Variants in DAP observed in about 807,000 individuals in gnomAD.
DAP encodes death-associated protein 1.
A neutral mutation model predicts 13.8 loss-of-function variants in DAP; 8 were observed. That is an observed-to-expected ratio of 0.58 (90% CI 0.34 to 1.05). The LOEUF is 1.05. Ranked by LOEUF, DAP falls within the 50% of genes least tolerant of loss-of-function variation. DAP has a pLI of 0.03. For missense variants in DAP, 106 were observed against 133.2 expected (o/e 0.80, Z 1.01); for synonymous variants, 47 against 47.5 (o/e 0.99, Z 0.04).
chr5:10,719,261 C>T (rs1168594737), intron 2 of DAP, among the ~76,000 whole-genome samples: 2 of 152,170 alleles, frequency 1.3e-5, no homozygotes, highest in Non-Finnish European at 2.9e-5. Context: ...TCAAGTGACC[C>T]GAAAGGCTGT....
chr5:10,761,088 G>C lies in DAP; in HGVS notation c.-20C>G, dbSNP rs1422729687. 11 of 1,204,996 alleles carry C rather than the reference G, an allele frequency of 9.1e-6. No individual in the cohort carries two copies. The highest frequency in any genetic ancestry group is 1.1e-5 in the Non-Finnish European group (11 of 958,708). The allele number at this position is 1,204,996 out of a possible 1,614,324, so 74.6% of individuals were successfully genotyped here. ...AGACATGACGCGGCGGGGCTTCCGC[G>C]GGGCCGAGGCGGCGGCGCGGTTCTC... On this transcript the variant is annotated 5_prime_UTR_variant, in exon 1 of 4. Coordinates refer to ENST00000230895, the MANE Select transcript of DAP (RefSeq NM_004394.3).
intron 2 of DAP, among the ~76,000 whole-genome samples, chr5:10,693,734 TG>T (rs1738367019): frequency 6.6e-6 from 1 of 151,632 alleles, no homozygotes; most frequent in Non-Finnish European, 1.5e-5. Flanking sequence ...CTTCTGTATA[TG>T]ATTTAGAGAT....
intron 2 of DAP, among the ~76,000 whole-genome samples, chr5:10,742,970 T>A (rs886414806): frequency 8.8e-5 from 13 of 147,504 alleles, no homozygotes; most frequent in African/African-American, 2.8e-4. Flanking sequence ...TTCAGAACCA[T>A]ATGTTCATAC....
At chr5:10,684,647 A>T (rs570966748) in intron 2 of DAP, among the ~76,000 whole-genome samples, 1 of 152,336 alleles carries the variant, frequency 6.6e-6, no homozygotes, top group East Asian at 1.9e-4. Context: ...ACTGTTTTGT[A>T]ATCTGCCTTC....
intron 2 of DAP, among the ~76,000 whole-genome samples, chr5:10,737,335 G>C (rs1487573096): frequency 1.5e-5 from 2 of 135,488 alleles, no homozygotes; most frequent in Non-Finnish European, 3.1e-5. Flanking sequence ...GACAGAGCAA[G>C]ACTCTGTCTC....
chr5:10,685,706 G>A (rs900926193), intron 2 of DAP, among the ~76,000 whole-genome samples: 4 of 152,134 alleles, frequency 2.6e-5, no homozygotes, highest in Non-Finnish European at 5.9e-5. Flanking sequence ...CTGTCTCCAT[G>A]TCCTATTTGT....
chr5:10,749,316 G>A (rs1739986577), intron 1 of DAP, among the ~76,000 whole-genome samples: 1 of 152,154 alleles, frequency 6.6e-6, no homozygotes, highest in Non-Finnish European at 1.5e-5. Context: ...ATTTCCTTGA[G>A]TATATACCGA....
intron 1 of DAP, among the ~76,000 whole-genome samples, chr5:10,754,069 A>G (rs1740115280): frequency 6.6e-6 from 1 of 152,190 alleles, no homozygotes; most frequent in South Asian, 2.1e-4. Flanking sequence ...ACTATGGCCT[A>G]TCTTAGTTAA....
At chr5:10,698,282 CAAAA>C (rs71613386) in intron 2 of DAP, among the ~76,000 whole-genome samples, 6 of 42,906 alleles carry the variant, frequency 1.4e-4, no homozygotes, top group Admixed American at 3.2e-4. Flanking sequence ...CCAGACTTAG[CAAAA>C]AAAAAAAAAA....
At chr5:10,737,356 C>CA (rs1198532548) in intron 2 of DAP, among the ~76,000 whole-genome samples, 1 of 142,704 alleles carries the variant, frequency 7.0e-6, no homozygotes, top group African/African-American at 2.7e-5. Context: ...AAAAAAAAAA[C>CA]AAAAACAAAA....
intron 1 of DAP, among the ~76,000 whole-genome samples, chr5:10,756,033 A>T (rs1373962664): frequency 6.6e-6 from 1 of 152,236 alleles, no homozygotes; most frequent in Non-Finnish European, 1.5e-5. Context: ...CTGTAGTCCC[A>T]GCTACTCAGC....
At chr5:10,733,192 GTGTGTGTGTGTGTGTA>G (rs745930094) in intron 2 of DAP, among the ~76,000 whole-genome samples, 3,059 of 121,274 alleles carry the variant, frequency 0.025, 45 homozygotes, top group Middle Eastern at 0.053. Context: ...GTGTGTGTGT[GTGTGTGTGTGTGTGTA>G]TACCCTACAT....
intron 1 of DAP, among the ~76,000 whole-genome samples, chr5:10,757,563 G>C (rs777914711): frequency 6.6e-6 from 1 of 152,100 alleles, no homozygotes; most frequent in Non-Finnish European, 1.5e-5. Context: ...CGTGAGCCAC[G>C]ACACCCGGCT....
chr5:10,758,533 G>C (rs1341567634), intron 1 of DAP, among the ~76,000 whole-genome samples: 2 of 152,120 alleles, frequency 1.3e-5, no homozygotes, highest in Non-Finnish European at 2.9e-5. Context: ...AGCTCACCCC[G>C]TAAGTCTAAA....
intron 2 of DAP, among the ~76,000 whole-genome samples, chr5:10,693,134 A>G (rs1033857606): frequency 6.9e-6 from 1 of 145,920 alleles, no homozygotes; most frequent in Non-Finnish European, 1.5e-5. Flanking sequence ...GCACACACAC[A>G]CACACACACA....
chr5:10,733,196 GTGTGTGTGTGTA>G (rs368495570), intron 2 of DAP, among the ~76,000 whole-genome samples: 41,751 of 122,494 alleles, frequency 0.34, 6,611 homozygotes, highest in Non-Finnish European at 0.41. Context: ...GTGTGTGTGT[GTGTGTGTGTGTA>G]TACCCTACAT....
intron 3 of DAP, 190 bp downstream of exon 3, chr5:10,683,339 C>G (rs1003700754): frequency 1.5e-6 from 1 of 689,232 alleles, no homozygotes; most frequent in African/African-American, 1.8e-5. Context: ...GTAAAGGATG[C>G]GAGTCTGGCC....
intron 2 of DAP, among the ~76,000 whole-genome samples, chr5:10,746,321 C>T (rs570163747): frequency 2.1e-5 from 3 of 144,734 alleles, no homozygotes; most frequent in Admixed American, 6.9e-5. Flanking sequence ...ATAATTCTAG[C>T]GTTTTTTTTT....
At chr5:10,700,366 C>T (rs867487107) in intron 2 of DAP, among the ~76,000 whole-genome samples, 1 of 152,198 alleles carries the variant, frequency 6.6e-6, no homozygotes, top group African/African-American at 2.4e-5. Flanking sequence ...AGGACAGCTG[C>T]AAGCCACCCT....
Sources: gnomAD v4.1 joint callset for allele counts (sites outside exome capture counted in the v4.1 genomes callset) on GRCh38, gnomAD v4.1.1 for gene constraint, MANE v1.5 for transcripts, NCBI Gene and HGNC (gene_info 2026-07-23, HGNC 2026-07-21) for gene names.